TOP6BL: variants seen among roughly 807,000 people sequenced by gnomAD.
TOP6BL encodes TOP6B like initiator of meiotic double strand breaks.
the TOP6BL span, among the ~76,000 whole-genome samples, chr11:66,841,110 A>ATTT: frequency 6.6e-3 from 559 of 84,620 alleles, 1 homozygote; most frequent in African/African-American, 7.9e-3. Flanking sequence ...GAGGCCTCTC[A>ATTT]TTTTTTTTTT....
chr11:66,744,838 G>T, the TOP6BL span: 1 of 1,330,662 alleles, frequency 7.5e-7, no homozygotes. Context: ...CGGCGGCGGC[G>T]GCGGCGGGCG....
chr11:66,839,404 C>T, the TOP6BL span, among the ~76,000 whole-genome samples: 1 of 152,260 alleles, frequency 6.6e-6, no homozygotes, highest in African/African-American at 2.4e-5. Flanking sequence ...GCTCTGCTGT[C>T]TCTGGAAGAG....
At chr11:66,842,864 C>T in the TOP6BL span, 10 of 1,570,552 alleles carry the variant, frequency 6.4e-6, no homozygotes, top group East Asian at 1.9e-4. Context: ...AGCGGGCAAG[C>T]AGAAAACAAG....
chr11:66,753,997 G>T, the TOP6BL span, among the ~76,000 whole-genome samples: 3 of 152,218 alleles, frequency 2.0e-5, no homozygotes. Flanking sequence ...GAGCCACCAC[G>T]CCTGGCCAAC....
At chr11:66,841,485 C>G in the TOP6BL span, among the ~76,000 whole-genome samples, 1 of 152,210 alleles carries the variant, frequency 6.6e-6, no homozygotes, top group African/African-American at 2.4e-5. Flanking sequence ...CTTCTGATTC[C>G]TGGTGACGCC....
At chr11:66,750,256 A>G in the TOP6BL span, among the ~76,000 whole-genome samples, 1 of 152,144 alleles carries the variant, frequency 6.6e-6, no homozygotes. Context: ...TTACACACAC[A>G]TATGGTTTTG....
At chr11:66,778,446 A>G in the TOP6BL span, among the ~76,000 whole-genome samples, 2 of 152,172 alleles carry the variant, frequency 1.3e-5, no homozygotes, top group East Asian at 1.9e-4. Context: ...AGCCCGGGCA[A>G]CAAAGTGAGA....
At chr11:66,767,270 A>G in the TOP6BL span, among the ~76,000 whole-genome samples, 1 of 152,204 alleles carries the variant, frequency 6.6e-6, no homozygotes, top group African/African-American at 2.4e-5. Flanking sequence ...CTACTTAGGT[A>G]TAATTCCATT....
chr11:66,775,649 GC>G, the TOP6BL span, among the ~76,000 whole-genome samples: 2 of 152,120 alleles, frequency 1.3e-5, no homozygotes, highest in African/African-American at 2.4e-5. Flanking sequence ...CTTAGATGTG[GC>G]TCTTGTTGGC....
the TOP6BL span, among the ~76,000 whole-genome samples, chr11:66,823,294 C>CAAAAAA: frequency 7.3e-5 from 3 of 41,278 alleles, 1 homozygote; most frequent in African/African-American, 1.7e-4. Context: ...GACTCCACCT[C>CAAAAAA]AAAAAAAAAA....
At chr11:66,807,029 G>A in the TOP6BL span, among the ~76,000 whole-genome samples, 1 of 152,032 alleles carries the variant, frequency 6.6e-6, no homozygotes, top group Admixed American at 6.6e-5. Context: ...TTGTCCTCTT[G>A]GGGAAAATTT....
At chr11:66,831,071 A>C in the TOP6BL span, among the ~76,000 whole-genome samples, 1,987 of 152,330 alleles carry the variant, frequency 0.013, 45 homozygotes, top group African/African-American at 0.045. Context: ...CAATGAGATA[A>C]TCATTTCATA....
the TOP6BL span, chr11:66,839,322 G>T: frequency 2.5e-6 from 1 of 400,116 alleles, no homozygotes; most frequent in Admixed American, 2.8e-5. Flanking sequence ...GAGGCCCACA[G>T]ATATCAATAA....
chr11:66,791,216 A>G, the TOP6BL span, among the ~76,000 whole-genome samples: 5 of 152,206 alleles, frequency 3.3e-5, no homozygotes, highest in Non-Finnish European at 7.3e-5. Context: ...AGGAAAGTCA[A>G]TTGCAAGGAA....
chr11:66,751,498 ATT>A, the TOP6BL span, among the ~76,000 whole-genome samples: 24 of 135,820 alleles, frequency 1.8e-4, no homozygotes, highest in Admixed American at 3.0e-4. Context: ...TGGCTGACTA[ATT>A]TTTTTTTTTT....
the TOP6BL span, among the ~76,000 whole-genome samples, chr11:66,776,992 A>G: frequency 6.6e-6 from 1 of 152,042 alleles, no homozygotes; most frequent in Non-Finnish European, 1.5e-5. Context: ...GGTGGAGGCT[A>G]CACTAAGCCA....
the TOP6BL span, among the ~76,000 whole-genome samples, chr11:66,825,352 G>A: frequency 2.0e-5 from 3 of 151,238 alleles, no homozygotes; most frequent in African/African-American, 7.2e-5. Context: ...TTAGCCAGGC[G>A]TGGTGGCAGG....
chr11:66,817,703 C>T, the TOP6BL span, among the ~76,000 whole-genome samples: 1 of 152,082 alleles, frequency 6.6e-6, no homozygotes, highest in Non-Finnish European at 1.5e-5. Context: ...CCCCAAAGTA[C>T]TGGGATTACA....
chr11:66,759,797 G>C, the TOP6BL span, among the ~76,000 whole-genome samples: 1 of 152,090 alleles, frequency 6.6e-6, no homozygotes, highest in Admixed American at 6.6e-5. Context: ...TTGCCATGCT[G>C]GTCTCGAACT....
Sources: allele counts gnomAD v4.1 joint callset (sites outside exome capture counted in the v4.1 genomes callset), GRCh38; gene constraint gnomAD v4.1.1; transcripts MANE v1.5; gene names NCBI Gene and HGNC (gene_info 2026-07-23, HGNC 2026-07-21).